Variants in SMC2 observed in about 807,000 individuals in gnomAD.
The protein encoded by SMC2 is structural maintenance of chromosomes protein 2.
A neutral mutation model predicts 142.6 loss-of-function variants in SMC2; 41 were observed. The ratio of observed to expected loss-of-function variants is 0.29; its 90% confidence interval spans 0.22 to 0.37. SMC2 has a LOEUF of 0.37. Among genes scored for constraint, SMC2 ranks in the 10% least tolerant of loss-of-function variants. SMC2 has a pLI of 1.00. For synonymous variants in SMC2, 463 were observed against 457.5 expected (o/e 1.01, Z -0.15); for missense variants, 1,265 against 1,373.7 (o/e 0.92, Z 1.25).
intron 9 of SMC2, among the ~76,000 whole-genome samples, chr9:104,104,315 A>C (rs942128892): frequency 1.3e-5 from 2 of 152,230 alleles, no homozygotes; most frequent in Admixed American, 1.3e-4. Context: ...AAATGGATTT[A>C]TTACTTATTG....
In SMC2 at chr9:104,102,048, C is replaced by T. The variant is rs540966382; in HGVS notation, c.725C>T (p.Ala242Val). The T allele has an allele frequency of 7.4e-6, 12 of 1,611,078 alleles. No individual in the cohort carries two copies. In the African/African-American group the frequency reaches 1.5e-4, roughly 20 times the overall value. ...RLYIAYQFLL[A>V]EDTKVRSAEE... ...TATATTGCTTATCAGTTTTTGCTGGCTGAAGATACCAAAGTACGCTCAGCT... is the reference window on the plus strand; with the variant it reads ...TATATTGCTTATCAGTTTTTGCTGGTTGAAGATACCAAAGTACGCTCAGCT... Residue 242 changes from alanine (A) to valine (V), a missense_variant, in exon 8 of 25, where the codon GCT becomes GTT. Ala to Val is a moderately conservative substitution (Grantham distance 64). Around this residue, in one of 4 missense-constraint regions of SMC2, gnomAD observed 898 missense variants for 904.2 expected, o/e 0.99. Transcript: ENST00000374793.
chr9:104,127,939 T>C (rs76933260), intron 20 of SMC2, among the ~76,000 whole-genome samples: 19,600 of 152,244 alleles, frequency 0.13, 1,550 homozygotes, highest in Non-Finnish European at 0.16. Flanking sequence ...TTTGCAACTT[T>C]ATAAAAAATC....
intron 24 of SMC2, among the ~76,000 whole-genome samples, chr9:104,138,872 TA>T (rs1239983815): frequency 1.3e-5 from 2 of 152,126 alleles, no homozygotes; most frequent in Non-Finnish European, 2.9e-5. Context: ...AGAGCAGCTT[TA>T]GTTAGCAACA....
rs534908049 is a variant in SMC2, at chr9:104,134,359, T to C, written c.3109-56T>C. The stretch of plus-strand genomic sequence containing the variant: ...GTGTTGCATATACATATATCAACAA[T>C]TGATTCTTCTTGGAAAGCATCCTGA... On this transcript the variant is annotated intron_variant, in intron 22 of 24. Coordinates refer to ENST00000374793, the MANE Select transcript of SMC2 (RefSeq NM_006444.3). 4.2e-4 allele frequency: 581 copies of C among 1,376,154 alleles called. 8 individuals carry two copies. The South Asian group carries it at 7.5e-3, about 18-fold the overall frequency. The allele number at this position is 1,376,154 out of a possible 1,614,324, so 85.2% of individuals were successfully genotyped here. A position where few individuals can be genotyped will look rare whatever the true frequency, so the allele number is the denominator to read the frequency against.
chr9:104,100,273 A>G (rs938998765), intron 6 of SMC2, 70 bp downstream of exon 6: 1 of 1,404,648 alleles, frequency 7.1e-7, no homozygotes, highest in Non-Finnish European at 9.7e-7. Context: ...TGCTGTAAAG[A>G]GGGAAAAATT....
intron 24 of SMC2, among the ~76,000 whole-genome samples, 174 bp downstream of exon 24, chr9:104,138,339 ACT>A (rs1478639455): frequency 2.0e-5 from 3 of 152,128 alleles, no homozygotes; most frequent in Non-Finnish European, 4.4e-5. Flanking sequence ...AAAAAGTTTC[ACT>A]CTCCTTTTTA....
At chr9:104,096,323 A>G in intron 3 of SMC2, 26 bp downstream of exon 3, 2 of 1,610,024 alleles carry the variant, frequency 1.2e-6, no homozygotes, top group Non-Finnish European at 1.7e-6. Context: ...ACCTTTGGGT[A>G]TCTTAAGACC....
At position 104,111,770 on chromosome 9, in the gene SMC2, G is replaced by T; in HGVS notation, c.1210G>T (p.Ala404Ser). ...AGCAACTCTTGCTGGTCAAATGATG[G>T]CCTGTAAAAATGATATAAGTAAAGC... Reference protein sequence around the residue: ...AEATLAGQMMACKNDISKAQT... With the variant: ...AEATLAGQMMSCKNDISKAQT... The change falls in exon 10 of 25, where the codon GCC becomes TCC. Residue 404 changes from alanine (A) to serine (S), a missense_variant. Ala to Ser is a moderately conservative substitution (Grantham distance 99, BLOSUM62 1). Coordinates refer to ENST00000374793, the MANE Select transcript of SMC2 (RefSeq NM_006444.3). 6.2e-7 allele frequency: 1 copy of T among 1,613,958 alleles called. No individual in the cohort carries two copies. The highest frequency in any genetic ancestry group is 8.5e-7 in the Non-Finnish European group (1 of 1,179,900).
intron 21 of SMC2, 68 bp downstream of exon 21, chr9:104,129,913 C>T: frequency 8.8e-7 from 1 of 1,133,502 alleles, no homozygotes; most frequent in Non-Finnish European, 1.3e-6. Flanking sequence ...TCTGTATGAC[C>T]TCTGATGCAA....
intron 17 of SMC2, among the ~76,000 whole-genome samples, chr9:104,124,504 GAACAT>G (rs1430911757): frequency 6.6e-6 from 1 of 152,170 alleles, no homozygotes; most frequent in Non-Finnish European, 1.5e-5. Context: ...AATAGGCAAA[GAACAT>G]AAAGTAAGCT....
chr9:104,108,423 G>T (rs921228072), intron 9 of SMC2, among the ~76,000 whole-genome samples: 2 of 151,974 alleles, frequency 1.3e-5, no homozygotes, highest in Admixed American at 6.6e-5. Flanking sequence ...CCATATACTC[G>T]TCCTCTAGAT....
intron 14 of SMC2, among the ~76,000 whole-genome samples, chr9:104,117,385 G>A (rs1401059277): frequency 2.6e-5 from 4 of 152,208 alleles, no homozygotes; most frequent in Admixed American, 2.6e-4. Flanking sequence ...GACTGCCACT[G>A]CTGATACTAA....
At chr9:104,126,084 C>A (rs1442545001) in intron 18 of SMC2, among the ~76,000 whole-genome samples, 1 of 152,060 alleles carries the variant, frequency 6.6e-6, no homozygotes, top group Admixed American at 6.6e-5. Context: ...CTGAACTGTG[C>A]ATGCAAGGGA....
Position 104,118,279 on chromosome 9 carries a change from G to A in SMC2, c.1900G>A (p.Asp634Asn), listed in dbSNP as rs756686738. ...FGTTFVCDNM[D>N]NAKKVAFDKR... is the part of the protein sequence containing the mutation. ...AACAACATTTGTTTGTGACAATATG[G>A]ATAATGCCAAAAAAGTGGCCTTTGA... The change falls in exon 15 of 25, where the codon GAT becomes AAT. Residue 634 changes from aspartate (D) to asparagine (N), a missense_variant. Asp to Asn is a conservative substitution (Grantham distance 23). Coordinates refer to ENST00000374793, the MANE Select transcript of SMC2 (RefSeq NM_006444.3). 1 of 1,613,570 alleles carries A rather than the reference G, an allele frequency of 6.2e-7. No individual in the cohort carries two copies. Among genetic ancestry groups the A allele is most frequent in the South Asian group, 1.1e-5 (1 of 91,052 alleles).
intron 17 of SMC2, among the ~76,000 whole-genome samples, chr9:104,124,431 T>C (rs1487247745): frequency 1.3e-5 from 2 of 152,174 alleles, no homozygotes; most frequent in Admixed American, 6.5e-5. Flanking sequence ...TCCTTTGCTG[T>C]ATCCCAGGCA....
chr9:104,101,827 A>T, intron 7 of SMC2, 133 bp from the exon 8 acceptor site: 1 of 573,334 alleles, frequency 1.7e-6, no homozygotes, highest in Non-Finnish European at 3.0e-6. Context: ...AGTTTCCTAC[A>T]ATTTAAAATG....
intron 4 of SMC2, among the ~76,000 whole-genome samples, 183 bp from the exon 5 acceptor site, chr9:104,099,461 G>C (rs1387052594): frequency 2.6e-5 from 4 of 151,834 alleles, no homozygotes; most frequent in Non-Finnish European, 5.9e-5. Context: ...TTGTATCACT[G>C]GTGAGAAAGT....
intron 19 of SMC2, 103 bp downstream of exon 19, chr9:104,126,887 C>A: frequency 8.7e-7 from 1 of 1,144,048 alleles, no homozygotes; most frequent in Non-Finnish European, 1.2e-6. Flanking sequence ...TTTCACTCGT[C>A]ATCATGAGAG....
At chr9:104,112,352 CTAT>C (rs1322039447) in intron 10 of SMC2, among the ~76,000 whole-genome samples, 1 of 152,100 alleles carries the variant, frequency 6.6e-6, no homozygotes, top group African/African-American at 2.4e-5. Context: ...TCTTGTCAGT[CTAT>C]TATAATGTTT....
Sources: allele counts gnomAD v4.1 joint callset (sites outside exome capture counted in the v4.1 genomes callset), GRCh38; gene constraint gnomAD v4.1.1; regional missense constraint gnomAD v4.1.1; transcripts MANE v1.5; gene names NCBI Gene and HGNC (gene_info 2026-07-23, HGNC 2026-07-21).